TSBP1: variants seen among roughly 807,000 people sequenced by gnomAD.
The protein encoded by TSBP1 is testis-expressed basic protein 1.
A neutral mutation model predicts 68.8 loss-of-function variants in TSBP1; 56 were observed. The observed-to-expected ratio is 0.81, with a 90% CI of 0.66 to 1.02. The LOEUF is 1.02. TSBP1 is among the 50% of genes least tolerant of loss of function. The pLI, the probability that TSBP1 is intolerant of heterozygous loss-of-function variation, is 0.00. For missense variants in TSBP1, 502 were observed against 641.2 expected, an observed-to-expected ratio of 0.78 and a Z score of 2.34; for synonymous variants, 171 against 208.7, an observed-to-expected ratio of 0.82 and a Z score of 1.56.
intron 16 of TSBP1, among the ~76,000 whole-genome samples, chr6:32,327,055 A>T (rs62403044): frequency 0.028 from 4,334 of 152,284 alleles, 73 homozygotes; most frequent in South Asian, 0.041. Flanking sequence ...TTGACAAGTC[A>T]CTATAAACTT....
At chr6:32,371,721 C>G (rs17202141) in exon 1 of TSBP1, 29,056 of 1,613,614 alleles carry the variant, frequency 0.018, 369 homozygotes, top group Non-Finnish European at 0.022. Flanking sequence ...CATGTATTGT[C>G]TTCATCAGGT....
At chr6:32,364,053 C>T (rs964713168) in intron 6 of TSBP1, among the ~76,000 whole-genome samples, 1 of 152,046 alleles carries the variant, frequency 6.6e-6, no homozygotes, top group African/African-American at 2.4e-5. Context: ...TTGAATATAT[C>T]ATCCCACTAT....
chr6:32,293,025 T>C (rs1223410397), exon 23 of TSBP1: 1 of 1,611,674 alleles, frequency 6.2e-7, no homozygotes, highest in African/African-American at 1.3e-5. Flanking sequence ...GTATTTGCCT[T>C]CGCCCTTTTC....
intron 8 of TSBP1, chr6:32,352,974 A>G (rs1243428658): frequency 6.6e-6 from 1 of 151,928 alleles, no homozygotes; most frequent in Non-Finnish European, 1.5e-5. Flanking sequence ...ATGGTGTCCC[A>G]TATAAAAATA....
intron 18 of TSBP1, among the ~76,000 whole-genome samples, chr6:32,317,527 C>G (rs916091434): frequency 6.6e-6 from 1 of 152,150 alleles, no homozygotes; most frequent in Non-Finnish European, 1.5e-5. Flanking sequence ...AGGCAACCTA[C>G]AGAATGGGAG....
rs1769327674 is a variant in TSBP1 at position 32,333,762 on chromosome 6, A to G, written c.472+1675T>C. Among the ~76,000 whole-genome samples, 3 of 152,216 alleles carry G rather than the reference A, an allele frequency of 2.0e-5. No individual in the cohort carries two copies. Among genetic ancestry groups the G allele is most frequent in the Non-Finnish European group, 4.4e-5 (3 of 68,042 alleles). Reference sequence around the variant, plus strand: ...GTGGTTAGTTGAATCTAAAAAGACCATATCTTCACCCAGTGGGCATTGCAG... The same window carrying G: ...GTGGTTAGTTGAATCTAAAAAGACCGTATCTTCACCCAGTGGGCATTGCAG... On this transcript the variant is annotated intron_variant, in intron 14 of 22. Coordinates refer to ENST00000612031, the Ensembl canonical transcript of TSBP1. The surrounding 1 kb of genome is among the most constrained non-coding windows in gnomAD (Gnocchi z 4.2).
At chr6:32,313,451 CT>C (rs975256322) in intron 19 of TSBP1, among the ~76,000 whole-genome samples, 2 of 151,866 alleles carry the variant, frequency 1.3e-5, no homozygotes, top group Non-Finnish European at 2.9e-5. Context: ...AAGACTTTTT[CT>C]TTTTTTTCCT....
chr6:32,353,594 A>G (rs553370672), intron 8 of TSBP1, among the ~76,000 whole-genome samples: 1 of 152,126 alleles, frequency 6.6e-6, no homozygotes, highest in African/African-American at 2.4e-5. Flanking sequence ...AAGGTCAAAG[A>G]ATAGCCAACA....
chr6:32,308,171 ATTT>A (rs917464952), intron 19 of TSBP1, among the ~76,000 whole-genome samples: 8 of 151,666 alleles, frequency 5.3e-5, no homozygotes, highest in African/African-American at 1.7e-4. Context: ...TATTTTTCTT[ATTT>A]TTTTATAGGA....
intron 9 of TSBP1, among the ~76,000 whole-genome samples, chr6:32,341,413 G>A (rs948700693): frequency 3.3e-5 from 5 of 152,102 alleles, no homozygotes; most frequent in Non-Finnish European, 7.4e-5. Flanking sequence ...GGCCCAGCAG[G>A]TCTCATGATT....
At chr6:32,367,991 C>T (rs1268995619) in intron 3 of TSBP1, 34 bp from the exon 4 acceptor site, 16 of 1,503,310 alleles carry the variant, frequency 1.1e-5, no homozygotes, top group Non-Finnish European at 1.3e-5. Flanking sequence ...GATTTTGCTT[C>T]TTGATTATTA....
intron 6 of TSBP1, among the ~76,000 whole-genome samples, chr6:32,364,047 A>G (rs9268343): frequency 0.34 from 51,099 of 152,010 alleles, 9,645 homozygotes; most frequent in Middle Eastern, 0.52. Context: ...AGCAAATTGA[A>G]TATATCATCC....
intron 6 of TSBP1, among the ~76,000 whole-genome samples, chr6:32,360,814 CT>C (rs1238082471): frequency 6.6e-6 from 1 of 151,492 alleles, no homozygotes; most frequent in Non-Finnish European, 1.5e-5. Context: ...TGTAAGTCTT[CT>C]CTGAAAAAAT....
intron 9 of TSBP1, among the ~76,000 whole-genome samples, chr6:32,346,559 T>C (rs1417537711): frequency 6.6e-6 from 1 of 151,984 alleles, no homozygotes; most frequent in Non-Finnish European, 1.5e-5. Flanking sequence ...ATCTCAAGCC[T>C]GGGTGCGGTG....
In TSBP1 at chr6:32,292,881, TA is replaced by T; in HGVS notation, c.*99del. ...TGATATGAAGATGAAAGGGATTTTA[TA>T]ATTGTAATCTGTTTAGGCAATGGCT... is the stretch of plus-strand genomic sequence containing the variant. On this transcript the variant is annotated 3_prime_UTR_variant, in exon 23 of 23. Coordinates refer to ENST00000612031, the Ensembl canonical transcript of TSBP1. This position sits in a 1 kb window ranked among gnomAD's most constrained non-coding sequence, Gnocchi z 4.1. 1.4e-6 allele frequency: 1 copy of T among 728,498 alleles called. No individual in the cohort carries two copies. The allele number at this position is 728,498 out of a possible 1,614,324, so 45.1% of individuals were successfully genotyped here.
At chr6:32,346,512 C>T (rs1045697164) in intron 9 of TSBP1, among the ~76,000 whole-genome samples, 4 of 152,208 alleles carry the variant, frequency 2.6e-5, no homozygotes, top group East Asian at 1.9e-4. Context: ...TTTTCTTCAC[C>T]GTCTTGCTTT....
At chr6:32,367,679 A>C (rs1773909740) in intron 4 of TSBP1, among the ~76,000 whole-genome samples, 1 of 152,198 alleles carries the variant, frequency 6.6e-6, no homozygotes, top group Non-Finnish European at 1.5e-5. Context: ...AACCTTTCTA[A>C]TATCTTGGAA....
chr6:32,366,446 A>T, intron 4 of TSBP1, 144 bp from the exon 5 acceptor site: 1 of 860,640 alleles, frequency 1.2e-6, no homozygotes, highest in Non-Finnish European at 1.9e-6. Flanking sequence ...AAACATATTA[A>T]CTTTACCAAC....
chr6:32,362,451 A>C (rs1392092326), intron 6 of TSBP1, among the ~76,000 whole-genome samples: 1 of 152,378 alleles, frequency 6.6e-6, no homozygotes, highest in African/African-American at 2.4e-5. Flanking sequence ...TCCATCCTCC[A>C]TAACTGTAAG....
Sources: gnomAD v4.1 joint callset for allele counts (sites outside exome capture counted in the v4.1 genomes callset) on GRCh38, gnomAD v4.1.1 for gene constraint, Gnocchi (gnomAD v3.1) non-coding constraint, MANE v1.5 for transcripts, NCBI Gene and HGNC (gene_info 2026-07-23, HGNC 2026-07-21) for gene names.